Variants in OGDH observed in about 807,000 individuals in gnomAD.
OGDH encodes the protein oxoglutarate dehydrogenase.
Under a neutral mutation model 116.6 loss-of-function variants are expected in OGDH, and 38 were observed. The observed-to-expected ratio is 0.33, with a 90% CI of 0.25 to 0.43. OGDH has a LOEUF of 0.43. OGDH is among the 20% of genes least tolerant of loss of function. OGDH has a pLI of 1.00. For missense variants in OGDH, 825 were observed against 1,357.2 expected, an observed-to-expected ratio of 0.61 and a Z score of 6.16; for synonymous variants, 488 against 533.3, an observed-to-expected ratio of 0.92 and a Z score of 1.17.
intron 13 of OGDH, 71 bp from the exon 14 acceptor site, chr7:44,696,358 C>T (rs776116862): frequency 8.6e-5 from 133 of 1,555,292 alleles, no homozygotes; most frequent in Admixed American, 7.7e-4. Context: ...CCCAAAATCA[C>T]GTGTCTGCCA....
intron 4 of OGDH, among the ~76,000 whole-genome samples, chr7:44,662,108 T>C (rs1585311901): frequency 6.6e-6 from 1 of 152,334 alleles, no homozygotes; most frequent in Admixed American, 6.5e-5. Flanking sequence ...TAGAACTTCA[T>C]CAGACAGAGT....
intron 4 of OGDH, among the ~76,000 whole-genome samples, chr7:44,648,326 G>A (rs1043725516): frequency 1.2e-4 from 18 of 152,198 alleles, no homozygotes; most frequent in African/African-American, 2.9e-4. Context: ...GGGCCTTTGG[G>A]AGGTGCATGT....
At chr7:44,702,925 A>C (rs1788900223) in intron 20 of OGDH, among the ~76,000 whole-genome samples, 1 of 152,202 alleles carries the variant, frequency 6.6e-6, no homozygotes, top group Non-Finnish European at 1.5e-5. Context: ...GGTAAAATAC[A>C]CAACATAAAA....
chr7:44,616,089 T>C (rs927803091), intron 1 of OGDH, among the ~76,000 whole-genome samples: 2 of 152,094 alleles, frequency 1.3e-5, no homozygotes, highest in Non-Finnish European at 2.9e-5. Context: ...CTAGCCAGTC[T>C]GCTTCCTTCT....
At chr7:44,672,259 G>C (rs978841891) in intron 5 of OGDH, among the ~76,000 whole-genome samples, 3 of 152,150 alleles carry the variant, frequency 2.0e-5, no homozygotes, top group African/African-American at 7.2e-5. Context: ...CACGGAGCTT[G>C]TGTACAGGGA....
chr7:44,616,817 G>A (rs1004564952), intron 1 of OGDH, among the ~76,000 whole-genome samples: 15 of 100,738 alleles, frequency 1.5e-4, no homozygotes, highest in East Asian at 9.6e-4. Flanking sequence ...GCATATATAC[G>A]TATATATGTG....
At chr7:44,682,838 G>A (rs1787986341) in intron 10 of OGDH, among the ~76,000 whole-genome samples, 1 of 151,786 alleles carries the variant, frequency 6.6e-6, no homozygotes, top group African/African-American at 2.4e-5. Context: ...GGGCAACAGA[G>A]TGAGACCCTG....
chr7:44,694,118 C>A lies in OGDH; in HGVS notation c.1515+114C>A. ...CTTGTCTAGATGAGTCACCTCAGGG[C>A]TCTCTACTGCCAGGCCTCATGCTGG... On this transcript the variant is annotated intron_variant, in intron 11 of 22. Transcript: ENST00000222673. The surrounding 1 kb of genome is among the most constrained non-coding windows in gnomAD (Gnocchi z 4.2). 2 of 1,152,198 alleles carry A rather than the reference C, an allele frequency of 1.7e-6. No individual in the cohort carries two copies. Among genetic ancestry groups the A allele is most frequent in the Non-Finnish European group, 1.2e-6 (1 of 825,330 alleles). 71.4% of individuals were successfully genotyped at this position (1,152,198 alleles called of 1,614,324 possible).
rs1010965136 is a variant in OGDH, at chr7:44,675,967, C to T, written c.1027-3C>T. Reference sequence around the variant, plus strand: ...GGTGCAAATTCACTGTTTACCCCATCAGGGCTCCGGAGATGTGAAGTACCA... The same window carrying T: ...GGTGCAAATTCACTGTTTACCCCATTAGGGCTCCGGAGATGTGAAGTACCA... On this transcript the variant is annotated splice_region_variant and splice_polypyrimidine_tract_variant and intron_variant, in intron 8 of 22. Transcript: ENST00000222673. 1.2e-6 allele frequency: 2 copies of T among 1,613,380 alleles called. No homozygotes were observed. Among genetic ancestry groups the T allele is most frequent in the Non-Finnish European group, 1.7e-6 (2 of 1,179,438 alleles).
chr7:44,707,801 C>T lies in OGDH; in HGVS notation c.2951+65C>T. 1 of 1,610,022 alleles carries T rather than the reference C, an allele frequency of 6.2e-7. No homozygotes were observed. The highest frequency in any genetic ancestry group is 8.5e-7 in the Non-Finnish European group (1 of 1,177,574). On this transcript the variant is annotated intron_variant, in intron 22 of 22. Coordinates refer to ENST00000222673, the MANE Select transcript of OGDH (RefSeq NM_002541.4). The surrounding 1 kb of genome is among the most constrained non-coding windows in gnomAD (Gnocchi z 5.2). ...CCCCTCAGGCCAGTAGGCAGTTAGCCAGGCACATGCAGCAGAGGGATGGGC... is the reference window on the plus strand; with the variant it reads ...CCCCTCAGGCCAGTAGGCAGTTAGCTAGGCACATGCAGCAGAGGGATGGGC...
At chr7:44,696,600 G>A in intron 14 of OGDH, 43 bp downstream of exon 14, 2 of 1,612,282 alleles carry the variant, frequency 1.2e-6, no homozygotes, top group South Asian at 2.2e-5. Flanking sequence ...TGGGGCCCAG[G>A]CCAGGGGCGA....
chr7:44,616,817 G>GTATA lies in OGDH; in HGVS notation c.-27-7496_-27-7493dup, dbSNP rs541936143. On this transcript the variant is annotated intron_variant, in intron 1 of 22. Coordinates refer to ENST00000222673, the MANE Select transcript of OGDH (RefSeq NM_002541.4). ...TATGTGTATATATATGCATATATACGTATATATGTGTATATATACACATAT... is the reference window on the plus strand; with the variant it reads ...TATGTGTATATATATGCATATATACGTATATATATATGTGTATATATACACATAT... Among the ~76,000 whole-genome samples, 631 of 100,738 alleles carry GTATA rather than the reference G, an allele frequency of 6.3e-3. 5 individuals carry two copies. Among genetic ancestry groups the GTATA allele is most frequent in the East Asian group, 0.045 (93 of 2,088 alleles). 66.1% of individuals were successfully genotyped at this position (100,738 alleles called of 152,430 possible).
intron 20 of OGDH, among the ~76,000 whole-genome samples, chr7:44,703,468 T>C (rs2116411876): frequency 6.6e-6 from 1 of 150,730 alleles, no homozygotes; most frequent in South Asian, 2.1e-4. Flanking sequence ...ACCTGTAATC[T>C]CAGCACTTTG....
intron 2 of OGDH, among the ~76,000 whole-genome samples, chr7:44,631,885 A>C (rs1054249251): frequency 6.6e-6 from 1 of 151,758 alleles, no homozygotes; most frequent in African/African-American, 2.4e-5. Flanking sequence ...AAAAAGAAAA[A>C]TAAATAAATA....
chr7:44,643,555 G>A (rs1284003111), intron 2 of OGDH, among the ~76,000 whole-genome samples: 2 of 152,174 alleles, frequency 1.3e-5, no homozygotes, highest in African/African-American at 4.8e-5. Context: ...GCAGTATATA[G>A]CAGTGCTCTT....
intron 1 of OGDH, among the ~76,000 whole-genome samples, chr7:44,612,910 T>C (rs1283088411): frequency 6.6e-6 from 1 of 150,758 alleles, no homozygotes; most frequent in Non-Finnish European, 1.5e-5. Flanking sequence ...AGACGGAGTG[T>C]CACTCTGTCG....
chr7:44,656,498 C>G (rs1273508098), intron 4 of OGDH: 6 of 751,260 alleles, frequency 8.0e-6, no homozygotes, highest in Non-Finnish European at 1.3e-5. Context: ...GTTAATTGTT[C>G]TGAAATGTGT....
chr7:44,639,226 T>G (rs1785811551), intron 2 of OGDH, among the ~76,000 whole-genome samples: 1 of 152,142 alleles, frequency 6.6e-6, no homozygotes, highest in Non-Finnish European at 1.5e-5. Context: ...GTGGGTAGTT[T>G]AAGGAGCTGG....
intron 20 of OGDH, among the ~76,000 whole-genome samples, chr7:44,704,921 G>A (rs1451338317): frequency 6.6e-6 from 1 of 151,744 alleles, no homozygotes; most frequent in Non-Finnish European, 1.5e-5. Flanking sequence ...ATGTTGACCA[G>A]GCTGGTCTTG....
Sources: gnomAD v4.1 joint callset for allele counts (sites outside exome capture counted in the v4.1 genomes callset) on GRCh38, gnomAD v4.1.1 for gene constraint, Gnocchi (gnomAD v3.1) non-coding constraint, MANE v1.5 for transcripts, NCBI Gene and HGNC (gene_info 2026-07-23, HGNC 2026-07-21) for gene names.